Variants in KANSL3 observed in about 807,000 individuals in gnomAD.
The protein encoded by KANSL3 is KAT8 regulatory NSL complex subunit 3, also known as NSL complex protein NSL3.
A neutral mutation model predicts 89.2 loss-of-function variants in KANSL3; 16 were observed. The ratio of observed to expected loss-of-function variants is 0.18; its 90% CI spans 0.12 to 0.27. The LOEUF (loss-of-function observed/expected upper bound fraction) is 0.27, where lower values mean the gene tolerates loss of function less well. Ranked by LOEUF, KANSL3 falls within the 10% of genes least tolerant of loss-of-function variation. KANSL3 has a pLI of 1.00. For synonymous variants in KANSL3, 385 were observed against 419.7 expected (o/e 0.92, Z 1.01); for missense variants, 879 against 1,110.6 (o/e 0.79, Z 2.96).
chr2:96,583,592 GTTCTT>G, the KANSL3 span, among the ~76,000 whole-genome samples: 1 of 152,148 alleles, frequency 6.6e-6, no homozygotes, highest in African/African-American at 2.4e-5. Context: ...CATGTCAGTG[GTTCTT>G]TTCATTACCA....
chr2:96,623,232 C>T (rs889908492), intron 3 of KANSL3, among the ~76,000 whole-genome samples: 1 of 152,158 alleles, frequency 6.6e-6, no homozygotes, highest in African/African-American at 2.4e-5. Flanking sequence ...CTATCCAAAC[C>T]CTCAGACTCC....
intron 5 of KANSL3, 48 bp from the exon 6 acceptor site, chr2:96,613,667 CT>C: frequency 6.3e-7 from 1 of 1,574,894 alleles, no homozygotes; most frequent in Non-Finnish European, 8.7e-7. Flanking sequence ...AGCAGGAGAC[CT>C]TCCACCACCA....
intron 5 of KANSL3, among the ~76,000 whole-genome samples, chr2:96,614,707 G>T (rs1342192804): frequency 1.3e-5 from 2 of 151,114 alleles, no homozygotes; most frequent in Non-Finnish European, 2.9e-5. Context: ...GGAGGTGGAG[G>T]TTGTGGTGAG....
chr2:96,589,770 T>C (rs989573276), downstream of KANSL3, among the ~76,000 whole-genome samples: 1 of 151,996 alleles, frequency 6.6e-6, no homozygotes, highest in Non-Finnish European at 1.5e-5. Flanking sequence ...CATACCAAGA[T>C]AGATCACCCC....
chr2:96,592,209 TC>T (rs1329185975), downstream of KANSL3, among the ~76,000 whole-genome samples: 2 of 152,020 alleles, frequency 1.3e-5, no homozygotes, highest in Non-Finnish European at 2.9e-5. Context: ...TACTGGACAC[TC>T]CAAGCAGCAT....
At chr2:96,631,676 T>C in intron 2 of KANSL3, 194 bp from the exon 3 acceptor site, 1 of 692,216 alleles carries the variant, frequency 1.4e-6, no homozygotes, top group Non-Finnish European at 2.6e-6. Context: ...TCAGACATGA[T>C]GGTATGTACT....
rs779719690 is a variant in KANSL3, at chr2:96,637,317, T to A, written c.-50-132A>T. ...TATCCATTTCACGGCAGACCTCTGG[T>A]GGGGACGGTTCGTGGAATCCCACAC... On this transcript the variant is annotated intron_variant, in intron 1 of 20. Transcript: ENST00000431828. 5 of 518,526 alleles carry A rather than the reference T, an allele frequency of 9.6e-6. No homozygotes were observed. In the East Asian group the frequency reaches 1.6e-4, roughly 16 times the overall value. The allele number at this position is 518,526 out of a possible 1,614,324, so 32.1% of individuals were successfully genotyped here. A position where few individuals can be genotyped will look rare whatever the true frequency, so the allele number is the denominator to read the frequency against.
intron 2 of KANSL3, 101 bp from the exon 3 acceptor site, chr2:96,631,583 A>G: frequency 7.3e-7 from 1 of 1,366,192 alleles, no homozygotes; most frequent in Admixed American, 2.0e-5. Flanking sequence ...AGTCAGCTTT[A>G]AATTACGCAT....
At chr2:96,607,082 C>A in intron 14 of KANSL3, 1 of 1,224,396 alleles carries the variant, frequency 8.2e-7, no homozygotes, top group Non-Finnish European at 1.1e-6. Context: ...AGAATCACAG[C>A]CAGCCAGAGA....
chr2:96,631,270 A>G, intron 3 of KANSL3, 42 bp downstream of exon 3: 3 of 1,390,156 alleles, frequency 2.2e-6, no homozygotes, highest in South Asian at 1.2e-5. Flanking sequence ...ATGATACAAA[A>G]TAATTACAGG....
At chr2:96,620,299 T>C (rs1386977718) in intron 3 of KANSL3, among the ~76,000 whole-genome samples, 1 of 152,202 alleles carries the variant, frequency 6.6e-6, no homozygotes, top group Non-Finnish European at 1.5e-5. Flanking sequence ...CACTCCTCAA[T>C]ATTCTACCCC....
chr2:96,623,906 C>G lies in KANSL3; in HGVS notation c.387-4144G>C, dbSNP rs186131947. On this transcript the variant is annotated intron_variant, in intron 3 of 20. Coordinates refer to ENST00000431828, the MANE Select transcript of KANSL3 (RefSeq NM_001115016.3). Reference sequence around the variant, plus strand: ...CCTCCATCTTCAGAAGCTTTCCTTGCTAGAGCTAAATCCCCTCTTAACTGC... The same window carrying G: ...CCTCCATCTTCAGAAGCTTTCCTTGGTAGAGCTAAATCCCCTCTTAACTGC... Among the ~76,000 whole-genome samples the G allele has an allele frequency of 1.1e-4, 17 of 152,356 alleles. 2 individuals carry two copies. Among genetic ancestry groups the G allele is most frequent in the African/African-American group, 4.1e-4 (17 of 41,594 alleles).
rs2066384512 is a variant in KANSL3 at position 96,594,175 on chromosome 2, A to C, written c.*1436T>G. 6.6e-6 allele frequency: 1 copy of C among 152,226 alleles called. No homozygotes were observed. The highest frequency in any genetic ancestry group is 2.4e-5 in the African/African-American group (1 of 41,446). 9.4% of individuals were successfully genotyped at this position (152,226 alleles called of 1,614,324 possible). The stretch of plus-strand genomic sequence containing the variant: ...TGAACACAGGTGACCTGGTATAGAT[A>C]CACACTGTACTGTGGGCCAGAACCA... On this transcript the variant is annotated 3_prime_UTR_variant, in exon 21 of 21. Coordinates refer to ENST00000431828, the MANE Select transcript of KANSL3 (RefSeq NM_001115016.3).
intron 2 of KANSL3, among the ~76,000 whole-genome samples, chr2:96,632,389 G>A (rs1022577516): frequency 2.2e-4 from 34 of 152,044 alleles, no homozygotes; most frequent in African/African-American, 8.2e-4. Context: ...TTGAGCCCAG[G>A]AGGTTGAGGC....
Position 96,608,894 on chromosome 2 carries a change from G to A in KANSL3, c.1554C>T (p.Ala518=). Residue 518 remains alanine (A), a synonymous_variant, in exon 13 of 21, where the codon GCC becomes GCT. Coordinates refer to ENST00000431828, the MANE Select transcript of KANSL3 (RefSeq NM_001115016.3). ...AGCCTGAGGGTGAGGCGGGCAGCTT[G>A]GCAGCTGGGGAGGCAGGTCGACTGC... is the stretch of plus-strand genomic sequence containing the variant. ...ERGSRPASPA[A]KLPASPSGSE... is the part of the protein sequence containing the mutation. The A allele has an allele frequency of 6.3e-7, 1 of 1,578,724 alleles. No individual in the cohort carries two copies. The highest frequency in any genetic ancestry group is 8.6e-7 in the Non-Finnish European group (1 of 1,162,428).
chr2:96,634,872 C>T (rs1489387000), intron 2 of KANSL3, among the ~76,000 whole-genome samples: 1 of 152,186 alleles, frequency 6.6e-6, no homozygotes, highest in Non-Finnish European at 1.5e-5. Flanking sequence ...TCCAGTCTTC[C>T]CTAACTCATG....
At chr2:96,606,814 C>T (rs2068051065) in intron 14 of KANSL3, 1 of 359,438 alleles carries the variant, frequency 2.8e-6, no homozygotes, top group African/African-American at 2.2e-5. Flanking sequence ...ACAGAGTAAG[C>T]AAAAGGGGTC....
intron 2 of KANSL3, 113 bp downstream of exon 2, chr2:96,636,808 A>G (rs761114545): frequency 2.0e-5 from 18 of 897,672 alleles, no homozygotes; most frequent in Non-Finnish European, 2.8e-5. Context: ...TGAATTTAAC[A>G]TCCAAATGCC....
At chr2:96,601,527 TTGAATC>T in intron 20 of KANSL3, 110 bp downstream of exon 20, 1 of 1,426,954 alleles carries the variant, frequency 7.0e-7, no homozygotes, top group Non-Finnish European at 9.2e-7. Context: ...AGATTTGAAT[TTGAATC>T]TGAATCTCGT....
Sources: allele counts gnomAD v4.1 joint callset (sites outside exome capture counted in the v4.1 genomes callset), GRCh38; gene constraint gnomAD v4.1.1; transcripts MANE v1.5; gene names NCBI Gene and HGNC (gene_info 2026-07-23, HGNC 2026-07-21).